The following CCDC97 variants were observed in gnomAD, a reference collection of about 807,000 sequenced individuals.
CCDC97 encodes coiled-coil domain-containing protein 97.
CCDC97 carries 27 observed loss-of-function variants against 33.9 expected under a neutral mutation model. That is an observed-to-expected ratio of 0.80 (90% CI 0.59 to 1.10). The LOEUF (loss-of-function observed/expected upper bound fraction) is 1.10. CCDC97 is among the 50% of genes least tolerant of loss of function. The pLI is 0.00. For synonymous variants in CCDC97, 217 were observed against 194.0 expected (o/e 1.12, Z -0.99); for missense variants, 422 against 476.6 (o/e 0.89, Z 1.07).
chr19:41,321,333 T>C lies in CCDC97; in HGVS notation c.911+863T>C, dbSNP rs544111675. 7.2e-5 allele frequency among the ~76,000 whole-genome samples: 11 copies of C among 152,314 alleles called. No homozygotes were observed. In the South Asian group the frequency reaches 1.7e-3, roughly 23 times the overall value. ...AGTGGTGAGCAGAGGGCCTGGACCA[T>C]GGGGACCCTCATTCAGCAGGCATCA... On this transcript the variant is annotated intron_variant, in intron 4 of 4. Coordinates refer to ENST00000269967, the MANE Select transcript of CCDC97 (RefSeq NM_052848.3).
At chr19:41,320,317 A>AC (rs753346447) in intron 3 of CCDC97, 24 bp from the exon 4 acceptor site, 23 of 1,612,236 alleles carry the variant, frequency 1.4e-5, no homozygotes, top group Non-Finnish European at 1.9e-5. Flanking sequence ...CCGCATTCAC[A>AC]CCCCCTCTCC....
chr19:41,317,565 A>G (rs1165783474), intron 2 of CCDC97, among the ~76,000 whole-genome samples: 1 of 152,078 alleles, frequency 6.6e-6, no homozygotes, highest in Non-Finnish European at 1.5e-5. Context: ...TCTACAAAAA[A>G]TACAAAAATT....
rs2037839457 is a variant in CCDC97 at position 41,322,853 on chromosome 19, G to A, written c.*138G>A. ...CCCACACACACCACCATCTCACTGG[G>A]TCTAGTCTCATCTCAGACAACCCCC... On this transcript the variant is annotated 3_prime_UTR_variant, in exon 5 of 5. Transcript: ENST00000269967. The A allele has an allele frequency of 2.0e-6, 2 of 978,654 alleles. No homozygotes were observed. Among genetic ancestry groups the A allele is most frequent in the South Asian group, 1.7e-5 (1 of 58,198 alleles). 60.6% of individuals were successfully genotyped at this position (978,654 alleles called of 1,614,324 possible).
rs1316908179 is a variant in CCDC97, at chr19:41,317,826, T to C, written c.502+987T>C. On this transcript the variant is annotated intron_variant, in intron 2 of 4. Coordinates refer to ENST00000269967, the MANE Select transcript of CCDC97 (RefSeq NM_052848.3). ...GCACTTTGGGAGGGCGAGGTGGGGG[T>C]GGACCTGAGGTCAGGAGTTCCAGAG... Among the ~76,000 whole-genome samples the C allele has an allele frequency of 2.9e-5, 4 of 136,210 alleles. No individual in the cohort carries two copies. In the East Asian group the frequency reaches 8.7e-4, roughly 30 times the overall value. 89.4% of individuals were successfully genotyped at this position (136,210 alleles called of 152,430 possible). A position where few individuals can be genotyped will look rare whatever the true frequency, so the allele number is the denominator to read the frequency against.
rs150477178 is a variant in CCDC97 at position 41,319,710 on chromosome 19, C to T, written c.639C>T (p.Pro213=). ...ACCAGCCCCCCAAGCCCGGGTCCCC[C>T]GGGAGACCTGCTTGCCCGCTCTCCA... is the stretch of plus-strand genomic sequence containing the variant. ...PTHQPPKPGS[P]GRPACPLSNL... is the part of the protein sequence containing the mutation. The change falls in exon 3 of 5, where the codon CCC becomes CCT. Residue 213 remains proline (P), a synonymous_variant. Coordinates refer to ENST00000269967, the MANE Select transcript of CCDC97 (RefSeq NM_052848.3). The T allele has an allele frequency of 7.0e-5, 113 of 1,613,958 alleles. No homozygotes were observed. Among genetic ancestry groups the T allele is most frequent in the African/African-American group, 5.5e-4 (41 of 75,054 alleles).
In CCDC97 at chr19:41,316,847, G is replaced by A; in HGVS notation, c.502+8G>A. On this transcript the variant is annotated splice_region_variant and intron_variant, in intron 2 of 4. Transcript: ENST00000269967. Reference sequence around the variant, plus strand: ...TGCGAGAGCTGATCCAAGGTGTGGGGGCCAGATGGGCGACAGTGGGCACAT... The same window carrying A: ...TGCGAGAGCTGATCCAAGGTGTGGGAGCCAGATGGGCGACAGTGGGCACAT... 6.4e-7 allele frequency: 1 copy of A among 1,571,624 alleles called. No homozygotes were observed. Among genetic ancestry groups the A allele is most frequent in the Admixed American group, 1.8e-5 (1 of 56,328 alleles).
chr19:41,310,525 G>A (rs2037670240), intron 1 of CCDC97, 169 bp downstream of exon 1: 3 of 984,596 alleles, frequency 3.0e-6, no homozygotes, highest in South Asian at 9.4e-5. Flanking sequence ...CCTTGTCGCG[G>A]GCTGACCTTC....
chr19:41,319,793 A>G lies in CCDC97; in HGVS notation c.722A>G (p.Gln241Arg), dbSNP rs1449825339. Reference sequence around the variant, plus strand: ...CTACAGCAGCGTCTGCTCCAACAGCAGGAGGAGGAGGAGGCCTGCTTGGAG... The same window carrying G: ...CTACAGCAGCGTCTGCTCCAACAGCGGGAGGAGGAGGAGGCCTGCTTGGAG... ...RELQQRLLQQQEEEEACLEEE... is the reference protein window; with the variant it reads ...RELQQRLLQQREEEEACLEEE... The change falls in exon 3 of 5, where the codon CAG becomes CGG. Residue 241 changes from glutamine to arginine, a missense_variant. Gln to Arg is a conservative substitution (Grantham distance 43). Transcript: ENST00000269967. The G allele has an allele frequency of 6.3e-7, 1 of 1,594,080 alleles. No individual in the cohort carries two copies. The highest frequency in any genetic ancestry group is 1.7e-5 in the Admixed American group (1 of 59,602).
chr19:41,320,461 T>TTGACTAC lies in CCDC97; in HGVS notation c.903_909dup (p.Ser304Ter). On this transcript the variant is annotated frameshift_variant, in exon 4 of 5. Coordinates refer to ENST00000269967, the MANE Select transcript of CCDC97 (RefSeq NM_052848.3). LOFTEE classifies it high-confidence loss of function. The stretch of plus-strand genomic sequence containing the variant: ...TTCCTAGATGGCAAGGACGGGGACT[T>TTGACTAC]TGACTACAGGTGCTCCTGTGCCTCC... The TTGACTAC allele has an allele frequency of 1.2e-6, 2 of 1,613,902 alleles. No individual in the cohort carries two copies. Among genetic ancestry groups the TTGACTAC allele is most frequent in the Non-Finnish European group, 1.7e-6 (2 of 1,179,884 alleles).
Position 41,316,545 on chromosome 19 carries a change from G to A in CCDC97, c.208G>A (p.Val70Ile). Residue 70 changes from valine (V) to isoleucine (I), a missense_variant, in exon 2 of 5, where the codon GTA (valine) becomes ATA (isoleucine). By Grantham distance (29) the Val-to-Ile change is conservative. Transcript: ENST00000269967. ...AGCAGTGAGTGCTATGCTGCACGCT[G>A]TAGCCGCCAGCCGCCTGCCTGTTTG... ...NAAVSAMLHA[V>I]AASRLPVCSQ... 1.2e-6 allele frequency: 2 copies of A among 1,614,250 alleles called. No homozygotes were observed. Among genetic ancestry groups the A allele is most frequent in the African/African-American group, 1.3e-5 (1 of 75,064 alleles).
Position 41,320,461 on chromosome 19 carries a change from T to C in CCDC97, c.902T>C (p.Phe301Ser). 4.3e-6 allele frequency: 7 copies of C among 1,613,902 alleles called. No individual in the cohort carries two copies. The highest frequency in any genetic ancestry group is 5.9e-6 in the Non-Finnish European group (7 of 1,179,884). ...QRFLDGKDGD[F>S]DYSTVDDNPD... ...TTCCTAGATGGCAAGGACGGGGACT[T>C]TGACTACAGGTGCTCCTGTGCCTCC... Residue 301 changes from phenylalanine (F) to serine (S), a missense_variant, in exon 4 of 5, where the codon TTT becomes TCT. Transcript: ENST00000269967.
At position 41,316,745 on chromosome 19, in the gene CCDC97, T is replaced by C; in HGVS notation, c.408T>C (p.Cys136=). The change falls in exon 2 of 5, where the codon TGT becomes TGC. Residue 136 remains cysteine, a synonymous_variant. Coordinates refer to ENST00000269967, the MANE Select transcript of CCDC97 (RefSeq NM_052848.3). The part of the protein sequence containing the change: ...VRGDHRADFY[C]AEVARQGTAR... ...GCGACCACCGTGCAGACTTCTACTG[T>C]GCTGAGGTGGCCCGGCAGGGCACTG... The C allele has an allele frequency of 6.2e-7, 1 of 1,613,444 alleles. No homozygotes were observed. Among genetic ancestry groups the C allele is most frequent in the Non-Finnish European group, 8.5e-7 (1 of 1,179,686 alleles).
rs747639708 is a variant in CCDC97, at chr19:41,319,705, TC to T, written c.639del (p.Arg215AspfsTer65). On this transcript the variant is annotated frameshift_variant, in exon 3 of 5. Transcript: ENST00000269967. LOFTEE classifies it high-confidence loss of function. ...TPTHQPPKPG[S>X]PGRPACPLSN... ...AACCCACCAGCCCCCCAAGCCCGGG[TC>T]CCCCGGGAGACCTGCTTGCCCGCTC... 1 of 1,613,090 alleles carries T rather than the reference TC, an allele frequency of 6.2e-7. No individual in the cohort carries two copies. Among genetic ancestry groups the T allele is most frequent in the Admixed American group, 1.7e-5 (1 of 59,932 alleles).
chr19:41,311,279 T>G (rs2123050312), intron 1 of CCDC97, among the ~76,000 whole-genome samples: 1 of 152,044 alleles, frequency 6.6e-6, no homozygotes, highest in South Asian at 2.1e-4. Flanking sequence ...GACAAGCTAC[T>G]CAGGAGACTA....
Position 41,319,587 on chromosome 19 carries a change from C to T in CCDC97, c.516C>T (p.Phe172=), listed in dbSNP as rs754812203. Residue 172 remains phenylalanine (F), a synonymous_variant, in exon 3 of 5, where the codon TTC becomes TTT. Coordinates refer to ENST00000269967, the MANE Select transcript of CCDC97 (RefSeq NM_052848.3). ...LRELIQGGEY[F]SDEQMRFRAP... ...TCCTCTGTGCAGGGGGCGAGTACTT[C>T]AGTGATGAGCAGATGCGGTTCCGGG... The T allele has an allele frequency of 6.2e-7, 1 of 1,604,848 alleles. No homozygotes were observed. Among genetic ancestry groups the T allele is most frequent in the Non-Finnish European group, 8.5e-7 (1 of 1,174,350 alleles).
Position 41,322,831 on chromosome 19 carries a change from A to G in CCDC97, c.*116A>G, listed in dbSNP as rs996849608. The G allele has an allele frequency of 2.6e-6, 3 of 1,170,274 alleles. No individual in the cohort carries two copies. The highest frequency in any genetic ancestry group is 3.6e-6 in the Non-Finnish European group (3 of 832,746). 72.5% of individuals were successfully genotyped at this position (1,170,274 alleles called of 1,614,324 possible). A position where few individuals can be genotyped will look rare whatever the true frequency, so the allele number is the denominator to read the frequency against. ...ACATCAGGGCAGTGCCCCACAACCC[A>G]CACACACCACCATCTCACTGGGTCT... On this transcript the variant is annotated 3_prime_UTR_variant, in exon 5 of 5. Transcript: ENST00000269967.
intron 1 of CCDC97, among the ~76,000 whole-genome samples, chr19:41,314,426 G>A (rs2037721004): frequency 6.6e-6 from 1 of 152,266 alleles, no homozygotes; most frequent in Non-Finnish European, 1.5e-5. Context: ...ACAGGCGCAA[G>A]CCACCGCGCC....
intron 1 of CCDC97, 123 bp downstream of exon 1, chr19:41,310,479 C>T (rs2037669431): frequency 6.7e-7 from 1 of 1,502,618 alleles, no homozygotes; most frequent in Non-Finnish European, 8.9e-7. Flanking sequence ...TCAGCTTTAC[C>T]GGTCCTCTTC....
chr19:41,320,931 C>G (rs913826997), intron 4 of CCDC97, among the ~76,000 whole-genome samples: 4 of 152,186 alleles, frequency 2.6e-5, no homozygotes, highest in Admixed American at 2.0e-4. Context: ...CCAGTAGCAC[C>G]CCAGGGCTGA....
Sources: gnomAD v4.1 joint callset for allele counts (sites outside exome capture counted in the v4.1 genomes callset) on GRCh38, gnomAD v4.1.1 for gene constraint, MANE v1.5 for transcripts, NCBI Gene and HGNC (gene_info 2026-07-23, HGNC 2026-07-21) for gene names.